Variants in RABGAP1L observed in about 807,000 individuals in gnomAD.
RABGAP1L encodes the protein rab GTPase-activating protein 1-like.
In RABGAP1L, 63 loss-of-function variants were observed where a neutral mutation model predicts 137.7. The observed-to-expected ratio is 0.46, with a 90% CI of 0.37 to 0.56. The LOEUF (loss-of-function observed/expected upper bound fraction) is 0.56, where lower values mean the gene tolerates loss of function less well. Ranked by LOEUF, RABGAP1L falls within the 20% of genes least tolerant of loss-of-function variation. The pLI is 0.00. For synonymous variants in RABGAP1L, 431 were observed against 433.7 expected, an observed-to-expected ratio of 0.99 and a Z score of 0.08; for missense variants, 1,095 against 1,244.0, an observed-to-expected ratio of 0.88 and a Z score of 1.80.
intron 13 of RABGAP1L, among the ~76,000 whole-genome samples, chr1:174,506,571 GGAATAAATTTAA>G (rs200549227): frequency 0.015 from 2,221 of 152,160 alleles, 27 homozygotes; most frequent in Middle Eastern, 0.045. Context: ...ACAAAAAATA[GGAATAAATTTAA>G]GCAAGGAAGT....
At chr1:174,697,916 G>T (rs1349079543) in intron 15 of RABGAP1L, among the ~76,000 whole-genome samples, 2 of 152,120 alleles carry the variant, frequency 1.3e-5, no homozygotes, top group Non-Finnish European at 2.9e-5. Flanking sequence ...AATATTTAAA[G>T]AATCAAAATG....
intron 13 of RABGAP1L, among the ~76,000 whole-genome samples, chr1:174,401,055 C>T (rs750523262): frequency 4.6e-5 from 7 of 151,964 alleles, no homozygotes; most frequent in Non-Finnish European, 7.4e-5. Context: ...AACTGATAAC[C>T]TCAATCTGGA....
intron 13 of RABGAP1L, among the ~76,000 whole-genome samples, chr1:174,458,454 A>T (rs1042974273): frequency 6.6e-6 from 1 of 152,042 alleles, no homozygotes; most frequent in African/African-American, 2.4e-5. Context: ...AAAGGATCTC[A>T]TACGAAGGAG....
chr1:174,575,186 T>C (rs142206244), intron 13 of RABGAP1L, among the ~76,000 whole-genome samples: 2,613 of 152,308 alleles, frequency 0.017, 67 homozygotes, highest in African/African-American at 0.06. Context: ...CACCTCGGCC[T>C]CCCAAAGTGC....
intron 17 of RABGAP1L, among the ~76,000 whole-genome samples, chr1:174,735,436 C>CACG (rs1266559512): frequency 1.3e-5 from 2 of 151,332 alleles, no homozygotes; most frequent in Non-Finnish European, 2.9e-5. Context: ...GTGGTCTTTG[C>CACG]ATTGCTGTAA....
chr1:174,751,931 TTAACTG>T (rs1490198091), intron 17 of RABGAP1L, among the ~76,000 whole-genome samples: 2 of 152,074 alleles, frequency 1.3e-5, no homozygotes, highest in African/African-American at 4.8e-5. Context: ...CACTTGCAGT[TTAACTG>T]TAACACCGAG....
intron 19 of RABGAP1L, among the ~76,000 whole-genome samples, chr1:174,824,059 G>T (rs1057200212): frequency 3.9e-5 from 6 of 152,164 alleles, no homozygotes; most frequent in Non-Finnish European, 8.8e-5. Flanking sequence ...GGAAGCCAAG[G>T]TGGGTGGATC....
chr1:174,356,574 AT>A (rs888700355), intron 11 of RABGAP1L, among the ~76,000 whole-genome samples: 34 of 150,678 alleles, frequency 2.3e-4, no homozygotes, highest in African/African-American at 6.1e-4. Context: ...TAGAAACACA[AT>A]TTTTTTTTTC....
At chr1:174,642,238 A>T (rs1390098319) in intron 14 of RABGAP1L, among the ~76,000 whole-genome samples, 4 of 152,180 alleles carry the variant, frequency 2.6e-5, no homozygotes, top group Non-Finnish European at 5.9e-5. Context: ...ACCTTTGTTT[A>T]TCTGGATTAA....
chr1:174,405,048 T>C (rs1558205929), intron 13 of RABGAP1L, among the ~76,000 whole-genome samples: 1 of 152,174 alleles, frequency 6.6e-6, no homozygotes, highest in Non-Finnish European at 1.5e-5. Context: ...TGGCTTTTAA[T>C]AAAACATTTA....
At chr1:174,633,487 C>G (rs985770214) in intron 13 of RABGAP1L, among the ~76,000 whole-genome samples, 3 of 151,478 alleles carry the variant, frequency 2.0e-5, no homozygotes. Context: ...CAGTGCCATC[C>G]CCATCAAGCT....
chr1:174,458,475 C>T (rs1270360136), intron 13 of RABGAP1L, among the ~76,000 whole-genome samples: 2 of 151,960 alleles, frequency 1.3e-5, no homozygotes, highest in East Asian at 3.9e-4. Flanking sequence ...TGATTTCAAC[C>T]TGATTCAGTC....
chr1:174,694,044 C>T (rs184904160), intron 15 of RABGAP1L, among the ~76,000 whole-genome samples: 35 of 151,810 alleles, frequency 2.3e-4, no homozygotes, highest in East Asian at 7.7e-4. Context: ...ATTGTAATGA[C>T]GATTTACATA....
intron 13 of RABGAP1L, among the ~76,000 whole-genome samples, chr1:174,500,713 C>G (rs565455481): frequency 6.6e-6 from 1 of 152,172 alleles, no homozygotes; most frequent in South Asian, 2.1e-4. Context: ...ATGCCATAAC[C>G]TTCTGATATA....
intron 14 of RABGAP1L, among the ~76,000 whole-genome samples, chr1:174,648,448 A>C (rs180966364): frequency 3.9e-5 from 6 of 151,996 alleles, no homozygotes; most frequent in Non-Finnish European, 7.4e-5. Context: ...TTTCCACCTT[A>C]ATTTTGTTAT....
At chr1:174,191,875 A>G (rs1396459013) in intron 1 of RABGAP1L, among the ~76,000 whole-genome samples, 1 of 152,220 alleles carries the variant, frequency 6.6e-6, no homozygotes, top group African/African-American at 2.4e-5. Flanking sequence ...TTATCAGAGT[A>G]AGCAAAGGTC....
intron 13 of RABGAP1L, among the ~76,000 whole-genome samples, chr1:174,396,699 A>C (rs1400167364): frequency 6.6e-6 from 1 of 152,234 alleles, no homozygotes; most frequent in African/African-American, 2.4e-5. Flanking sequence ...AAAAATTTTA[A>C]GGGAAAAATG....
At chr1:174,590,085 A>C (rs959320819) in intron 13 of RABGAP1L, among the ~76,000 whole-genome samples, 1 of 146,754 alleles carries the variant, frequency 6.8e-6, no homozygotes, top group African/African-American at 2.5e-5. Flanking sequence ...ATCCATGAAC[A>C]TGGAATATCT....
chr1:174,342,925 G>C (rs995419714), intron 11 of RABGAP1L, among the ~76,000 whole-genome samples: 6 of 152,190 alleles, frequency 3.9e-5, no homozygotes, highest in Non-Finnish European at 5.9e-5. Context: ...TTTTAGTAGA[G>C]ACAGGGTTTC....
Sources: gnomAD v4.1 joint callset for allele counts (sites outside exome capture counted in the v4.1 genomes callset) on GRCh38, gnomAD v4.1.1 for gene constraint, MANE v1.5 for transcripts, NCBI Gene and HGNC (gene_info 2026-07-23, HGNC 2026-07-21) for gene names.